SEMA6D: variants seen among roughly 807,000 people sequenced by gnomAD.
The protein encoded by SEMA6D is semaphorin 6D, also known as semaphorin-6D.
A neutral mutation model predicts 106.6 loss-of-function variants in SEMA6D; 35 were observed. That is an observed-to-expected ratio of 0.33 (90% CI 0.25 to 0.44). SEMA6D has a LOEUF of 0.44. SEMA6D is among the 20% of genes least tolerant of loss of function. The probability of loss-of-function intolerance (pLI) is 1.00; values close to 1 mark genes in which losing one functional copy is unlikely to be tolerated. For synonymous variants in SEMA6D, 499 were observed against 487.7 expected (o/e 1.02, Z -0.31); for missense variants, 1,185 against 1,345.9 (o/e 0.88, Z 1.87).
At chr15:47,477,557 T>C (rs2043036266) in intron 3 of SEMA6D, among the ~76,000 whole-genome samples, 1 of 152,204 alleles carries the variant, frequency 6.6e-6, no homozygotes, top group South Asian at 2.1e-4. Flanking sequence ...GGAAGGCATA[T>C]TGCTGTCATC....
At chr15:47,734,147 T>G (rs2080307779) in intron 1 of SEMA6D, among the ~76,000 whole-genome samples, 1 of 152,250 alleles carries the variant, frequency 6.6e-6, no homozygotes, top group Non-Finnish European at 1.5e-5. Flanking sequence ...AGTAACTTTC[T>G]GGATTAGCTC....
At chr15:47,581,002 AAC>A (rs1405906039) in intron 3 of SEMA6D, among the ~76,000 whole-genome samples, 3 of 152,136 alleles carry the variant, frequency 2.0e-5, no homozygotes, top group African/African-American at 7.2e-5. Flanking sequence ...GTTGTTATGA[AAC>A]ACATCCATCT....
At chr15:47,225,865 G>T (rs1003553762) in intron 1 of SEMA6D, among the ~76,000 whole-genome samples, 2 of 151,942 alleles carry the variant, frequency 1.3e-5, no homozygotes, top group African/African-American at 2.4e-5. Flanking sequence ...TGACTGTTTG[G>T]TATAACAGTA....
In SEMA6D at chr15:47,490,625, A is replaced by G. The variant is rs971455055; in HGVS notation, c.-87+20080A>G. ...GCGCCACTGCACTCCAGCCTGGGCA[A>G]CAGAGTAAGGCTCTGTCTCAAATAA... On this transcript the variant is annotated intron_variant, in intron 3 of 19. Coordinates refer to the SEMA6D transcript ENST00000558014. Among the ~76,000 whole-genome samples, 12 of 152,318 alleles carry G rather than the reference A, an allele frequency of 7.9e-5. No individual in the cohort carries two copies. In the East Asian group the frequency reaches 1.9e-3, roughly 24 times the overall value.
chr15:47,726,791 A>T (rs150936704), intron 1 of SEMA6D, among the ~76,000 whole-genome samples: 20 of 152,328 alleles, frequency 1.3e-4, no homozygotes, highest in African/African-American at 4.1e-4. Flanking sequence ...AAATAAATGC[A>T]GGCTGGCTCC....
intron 1 of SEMA6D, among the ~76,000 whole-genome samples, chr15:47,735,289 C>A (rs868244442): frequency 6.6e-6 from 1 of 152,278 alleles, no homozygotes; most frequent in South Asian, 2.1e-4. Flanking sequence ...GAAGGCACTA[C>A]GGTATAGTCA....
chr15:47,672,548 T>G (rs1419106555), intron 4 of SEMA6D, among the ~76,000 whole-genome samples: 3 of 152,228 alleles, frequency 2.0e-5, no homozygotes, highest in Non-Finnish European at 2.9e-5. Flanking sequence ...GTATTTTAAT[T>G]AACTTGAAAT....
chr15:47,425,792 G>A (rs73405093), intron 2 of SEMA6D, among the ~76,000 whole-genome samples: 3,176 of 151,396 alleles, frequency 0.021, 95 homozygotes, highest in African/African-American at 0.069. Flanking sequence ...GCGAGGTAAA[G>A]GTACCTTTTC....
chr15:47,244,456 T>C (rs553651477), intron 1 of SEMA6D, among the ~76,000 whole-genome samples: 2 of 152,332 alleles, frequency 1.3e-5, no homozygotes, highest in African/African-American at 2.4e-5. Context: ...GCATGTGTTA[T>C]AAAGCAACTT....
intron 1 of SEMA6D, among the ~76,000 whole-genome samples, chr15:47,322,434 G>A (rs117760587): frequency 1.3e-5 from 2 of 152,068 alleles, no homozygotes; most frequent in East Asian, 3.9e-4. Flanking sequence ...GTTCTTGCCA[G>A]ATATTTTGTA....
chr15:47,502,753 T>C (rs1457088857), intron 3 of SEMA6D, among the ~76,000 whole-genome samples: 1 of 152,204 alleles, frequency 6.6e-6, no homozygotes, highest in African/African-American at 2.4e-5. Context: ...TCTACCTCCA[T>C]GTATTAATAC....
chr15:47,389,632 T>C (rs968624077), intron 1 of SEMA6D, among the ~76,000 whole-genome samples: 7 of 152,176 alleles, frequency 4.6e-5, no homozygotes, highest in Non-Finnish European at 8.8e-5. Context: ...TTAAGTAACT[T>C]ACCCTATGTC....
At chr15:47,439,092 T>G (rs1308032235) in intron 2 of SEMA6D, among the ~76,000 whole-genome samples, 1 of 152,112 alleles carries the variant, frequency 6.6e-6, no homozygotes, top group African/African-American at 2.4e-5. Flanking sequence ...TTGTGAATTT[T>G]TAATTTCTGA....
Position 47,772,346 on chromosome 15 carries a change from T to TTGTG in SEMA6D, c.*568_*571dup, listed in dbSNP as rs746420427. 4 of 83,728 alleles carry TTGTG rather than the reference T, an allele frequency of 4.8e-5. No homozygotes were observed. The highest frequency in any genetic ancestry group is 9.4e-5 in the Non-Finnish European group (4 of 42,534). 5.2% of individuals were successfully genotyped at this position (83,728 alleles called of 1,614,324 possible). ...CTTTTTCATGCCACCAACAAACTTGTTGTGTGTGTGCGTGTGTGTGTGTGT... is the reference window on the plus strand; with the variant it reads ...CTTTTTCATGCCACCAACAAACTTGTTGTGTGTGTGTGTGCGTGTGTGTGTGTGT... On this transcript the variant is annotated 3_prime_UTR_variant, in exon 19 of 19. Coordinates refer to ENST00000536845, the MANE Select transcript of SEMA6D (RefSeq NM_001358351.3).
Position 47,695,998 on chromosome 15 carries a change from C to T in SEMA6D, c.-54-63747C>T, listed in dbSNP as rs192799274. ...CAAGAAGGAACATAAACATATTTAC[C>T]GATGTGCATGTATGTTTATGCCGTT... On this transcript the variant is annotated intron_variant, in intron 4 of 19. Coordinates refer to the SEMA6D transcript ENST00000558014. Among the ~76,000 whole-genome samples, 56 of 152,216 alleles carry T rather than the reference C, an allele frequency of 3.7e-4. 1 individual carries two copies. Among genetic ancestry groups the T allele is most frequent in the Admixed American group, 3.6e-3 (55 of 15,282 alleles).
chr15:47,315,274 G>C (rs978956885), intron 1 of SEMA6D, among the ~76,000 whole-genome samples: 3 of 152,128 alleles, frequency 2.0e-5, no homozygotes, highest in African/African-American at 7.2e-5. Flanking sequence ...TCTTGTAAAA[G>C]GTGTAAGATT....
chr15:47,234,070 A>G (rs2141626429), intron 1 of SEMA6D, among the ~76,000 whole-genome samples: 1 of 152,112 alleles, frequency 6.6e-6, no homozygotes, highest in East Asian at 1.9e-4. Context: ...GGGACAAACA[A>G]TATACCAACC....
chr15:47,503,716 C>T (rs1436658221), intron 3 of SEMA6D, among the ~76,000 whole-genome samples: 1 of 151,802 alleles, frequency 6.6e-6, no homozygotes, highest in Non-Finnish European at 1.5e-5. Context: ...CACACACACA[C>T]ATTCACACAA....
At chr15:47,470,687 C>T (rs182338490) in intron 3 of SEMA6D, 2 of 152,174 alleles carry the variant, frequency 1.3e-5, no homozygotes, top group African/African-American at 2.4e-5. Context: ...TGGCATTAGA[C>T]GAGCTTGACT....
Sources: gnomAD v4.1 joint callset for allele counts (sites outside exome capture counted in the v4.1 genomes callset) on GRCh38, gnomAD v4.1.1 for gene constraint, MANE v1.5 for transcripts, NCBI Gene and HGNC (gene_info 2026-07-23, HGNC 2026-07-21) for gene names.